Variants in JUP observed in about 807,000 individuals in gnomAD.
JUP encodes catenin (cadherin-associated protein), gamma 80kDa.
In JUP, 28 loss-of-function variants were observed where a neutral mutation model predicts 71.1. The observed-to-expected ratio is 0.39, with a 90% CI of 0.29 to 0.54. The LOEUF (loss-of-function observed/expected upper bound fraction) is 0.54. Ranked by LOEUF, JUP falls within the 20% of genes least tolerant of loss-of-function variation. The probability of loss-of-function intolerance (pLI) is 0.62; values close to 1 mark genes in which losing one functional copy is unlikely to be tolerated. For synonymous variants in JUP, 401 were observed against 438.9 expected (o/e 0.91, Z 1.08); for missense variants, 869 against 1,030.1 (o/e 0.84, Z 2.14).
Position 41,769,118 on chromosome 17 carries a change from C to T in JUP, c.558G>A (p.Val186=). The part of the protein sequence containing the change: ...RRALMGSPQL[V]AAVVRTMQNT... Reference sequence around the variant, plus strand: ...TCTGCATGGTACGCACGACAGCGGCCACCAGCTGGGGCGAGCCCATCAGGG... The same window carrying T: ...TCTGCATGGTACGCACGACAGCGGCTACCAGCTGGGGCGAGCCCATCAGGG... The change falls in exon 4 of 14, where the codon GTG becomes GTA. Residue 186 remains valine (V), a synonymous_variant. Transcript: ENST00000393931. The T allele has an allele frequency of 6.2e-7, 1 of 1,611,384 alleles. No homozygotes were observed. Among genetic ancestry groups the T allele is most frequent in the South Asian group, 1.1e-5 (1 of 91,070 alleles).
In JUP at chr17:41,764,534, G is replaced by GA. The variant is rs1555603054; in HGVS notation, c.1158+178dup. Among the ~76,000 whole-genome samples the GA allele has an allele frequency of 2.1e-3, 180 of 83,896 alleles. 4 individuals are homozygous for GA. Among genetic ancestry groups the GA allele is most frequent in the African/African-American group, 5.9e-3 (99 of 16,760 alleles). 55.0% of individuals were successfully genotyped at this position (83,896 alleles called of 152,430 possible). A position where few individuals can be genotyped will look rare whatever the true frequency, so the allele number is the denominator to read the frequency against. On this transcript the variant is annotated intron_variant, in intron 7 of 13. Transcript: ENST00000393931. ...TAGGTGACAGAGTGAGACTCCGTCA[G>GA]AAAAAAAAAAAAAAAAAAAAAAAGA...
intron 4 of JUP, 106 bp from the exon 5 acceptor site, chr17:41,767,686 C>A: frequency 1.2e-6 from 1 of 849,036 alleles, no homozygotes; most frequent in South Asian, 1.6e-5. Flanking sequence ...CCGCTACTGA[C>A]GCCCCTCTGG....
At chr17:41,784,008 T>G (rs926900762) in intron 1 of JUP, among the ~76,000 whole-genome samples, 5 of 152,054 alleles carry the variant, frequency 3.3e-5, no homozygotes, top group Admixed American at 6.6e-5. Flanking sequence ...GTATTCCCAT[T>G]TTGCCAAAGA....
At chr17:41,780,321 C>T (rs1035907079) in intron 1 of JUP, among the ~76,000 whole-genome samples, 18 of 151,620 alleles carry the variant, frequency 1.2e-4, no homozygotes, top group Non-Finnish European at 2.1e-4. Flanking sequence ...TGCTTGAACC[C>T]AGGAATTCAA....
At chr17:41,774,231 T>G (rs1917100397) in intron 1 of JUP, among the ~76,000 whole-genome samples, 12 of 135,940 alleles carry the variant, frequency 8.8e-5, no homozygotes, top group East Asian at 8.0e-4. Flanking sequence ...CAGGATGCCA[T>G]GGGGGGGTGG....
At chr17:41,785,804 GCA>G (rs1555611615) in intron 1 of JUP, 1 of 149,206 alleles carries the variant, frequency 6.7e-6, no homozygotes, top group African/African-American at 2.4e-5. Context: ...CTTCATCCGT[GCA>G]CAGACCCCAC....
intron 8 of JUP, among the ~76,000 whole-genome samples, chr17:41,761,550 A>G (rs7503842): frequency 0.75 from 114,685 of 152,026 alleles, 43,938 homozygotes; most frequent in African/African-American, 0.87. Context: ...AGTGGCTCAC[A>G]CCTGTAATCC....
At chr17:41,771,185 C>A (rs1555606746) in intron 2 of JUP, among the ~76,000 whole-genome samples, 1 of 152,154 alleles carries the variant, frequency 6.6e-6, no homozygotes. Context: ...GCATGCGCCA[C>A]CACACCCGGC....
At chr17:41,779,180 G>A (rs1460193758) in intron 1 of JUP, among the ~76,000 whole-genome samples, 1 of 150,278 alleles carries the variant, frequency 6.7e-6, no homozygotes, top group Non-Finnish European at 1.5e-5. Context: ...AGGTTGCAGT[G>A]AGCTGAGATT....
chr17:41,767,686 C>T (rs1175530821), intron 4 of JUP, 106 bp from the exon 5 acceptor site: 30 of 848,916 alleles, frequency 3.5e-5, no homozygotes, highest in South Asian at 9.4e-5. Flanking sequence ...CCGCTACTGA[C>T]GCCCCTCTGG....
intron 1 of JUP, among the ~76,000 whole-genome samples, chr17:41,774,234 G>C (rs557437732): frequency 2.0e-5 from 3 of 151,986 alleles, no homozygotes; most frequent in East Asian, 3.9e-4. Context: ...GATGCCATGG[G>C]GGGGTGGGGG....
intron 4 of JUP, 89 bp downstream of exon 4, chr17:41,768,880 A>T: frequency 9.4e-7 from 1 of 1,061,140 alleles, no homozygotes; most frequent in Non-Finnish European, 1.4e-6. Flanking sequence ...GTAGGTGCTC[A>T]CTGGATATTT....
In JUP at chr17:41,761,197, C is replaced by A. The variant is rs541038180; in HGVS notation, c.1497+1786G>T. ...CACACCCAACTCCCTATGGGAGATG[C>A]TAAGCGTCCCCAGAATCCTCTGTGC... is the stretch of plus-strand genomic sequence containing the variant. On this transcript the variant is annotated intron_variant, in intron 8 of 13. Coordinates refer to ENST00000393931, the MANE Select transcript of JUP (RefSeq NM_002230.4). Among the ~76,000 whole-genome samples, 11 of 152,180 alleles carry A rather than the reference C, an allele frequency of 7.2e-5. 1 individual carries two copies. The highest frequency in any genetic ancestry group is 1.5e-4 in the Non-Finnish European group (10 of 68,014).
chr17:41,769,308 GGA>G, intron 3 of JUP, 101 bp from the exon 4 acceptor site: 4 of 1,557,698 alleles, frequency 2.6e-6, no homozygotes, highest in Non-Finnish European at 3.5e-6. Flanking sequence ...ATCACACACG[GGA>G]GAGTCTGGGT....
At position 41,758,710 on chromosome 17, in the gene JUP, C is replaced by T; in HGVS notation, c.1653+5G>A. On this transcript the variant is annotated splice_donor_5th_base_variant and intron_variant, in intron 9 of 13. Transcript: ENST00000393931. ...GGCTGTCAGAGGCACCACCAGCTCACATACCGTGTAGGGCTGCTGTGTGCC... is the reference window on the plus strand; with the variant it reads ...GGCTGTCAGAGGCACCACCAGCTCATATACCGTGTAGGGCTGCTGTGTGCC... 1 of 1,599,058 alleles carries T rather than the reference C, an allele frequency of 6.3e-7. No homozygotes were observed. The highest frequency in any genetic ancestry group is 8.5e-7 in the Non-Finnish European group (1 of 1,173,236).
At chr17:41,778,664 C>A (rs552517674) in intron 1 of JUP, among the ~76,000 whole-genome samples, 1 of 151,436 alleles carries the variant, frequency 6.6e-6, no homozygotes, top group South Asian at 2.1e-4. Flanking sequence ...GTAATCCCAG[C>A]ACTTTGGGAG....
chr17:41,774,710 C>T (rs1381886060), intron 1 of JUP, among the ~76,000 whole-genome samples: 1 of 152,162 alleles, frequency 6.6e-6, no homozygotes, highest in Non-Finnish European at 1.5e-5. Flanking sequence ...GAACAGCATC[C>T]AGTCCACTAG....
intron 1 of JUP, among the ~76,000 whole-genome samples, chr17:41,773,526 G>A (rs952205043): frequency 1.1e-4 from 17 of 152,030 alleles, no homozygotes; most frequent in South Asian, 4.1e-4. Context: ...CGACAGGCTC[G>A]GGCCGCCAGA....
At chr17:41,759,161 C>A (rs1555600046) in intron 8 of JUP, among the ~76,000 whole-genome samples, 3 of 151,256 alleles carry the variant, frequency 2.0e-5, no homozygotes, top group Non-Finnish European at 4.4e-5. Context: ...GCAACCTCCA[C>A]CTCCTGGGTT....
Sources: gnomAD v4.1 joint callset for allele counts (sites outside exome capture counted in the v4.1 genomes callset) on GRCh38, gnomAD v4.1.1 for gene constraint, MANE v1.5 for transcripts, NCBI Gene and HGNC (gene_info 2026-07-23, HGNC 2026-07-21) for gene names.